ERICH5: variants seen among roughly 807,000 people sequenced by gnomAD.
ERICH5 encodes the protein glutamate rich 5, also known as glutamate-rich protein 5.
Under a neutral mutation model 28.0 loss-of-function variants are expected in ERICH5, and 24 were observed. That is an observed-to-expected ratio of 0.86 (90% confidence interval 0.62 to 1.21). The LOEUF (loss-of-function observed/expected upper bound fraction) is 1.21, where lower values mean the gene tolerates loss of function less well. ERICH5 is among the 50% of genes most tolerant of loss of function. The pLI is 0.00. For missense variants in ERICH5, 421 were observed against 441.2 expected (o/e 0.95, Z 0.41); for synonymous variants, 163 against 157.6 (o/e 1.03, Z -0.25).
chr8:98,091,078 C>T (rs553555427), intron 2 of ERICH5, among the ~76,000 whole-genome samples: 4 of 152,164 alleles, frequency 2.6e-5, no homozygotes, highest in South Asian at 2.1e-4. Context: ...GCTGGGACTA[C>T]AGGCGCACAC....
chr8:98,091,896 CTTT>C (rs1815402435), intron 2 of ERICH5, among the ~76,000 whole-genome samples: 1 of 50,790 alleles, frequency 2.0e-5, no homozygotes, highest in Admixed American at 2.3e-4. Flanking sequence ...TTCTTTCTTT[CTTT>C]CCTTTCTTTC....
chr8:98,077,083 C>A (rs575320782), intron 1 of ERICH5, among the ~76,000 whole-genome samples: 1 of 146,964 alleles, frequency 6.8e-6, no homozygotes, highest in African/African-American at 2.5e-5. Context: ...GGCAACATAG[C>A]GAGGCCCTGT....
chr8:98,091,993 C>CCCTCCCTTCCTTCCTTCCTTCCTTCCTT (rs1815416999), intron 2 of ERICH5, among the ~76,000 whole-genome samples: 1 of 55,080 alleles, frequency 1.8e-5, no homozygotes, highest in African/African-American at 7.0e-5. Context: ...TCTCTCTCTC[C>CCCTCCCTTCCTTCCTTCCTTCCTTCCTT]CCTTCCTTCC....
Position 98,079,760 on chromosome 8 carries a change from G to A in ERICH5, c.59-9316G>A, listed in dbSNP as rs560645612. Among the ~76,000 whole-genome samples, 128 of 152,206 alleles carry A rather than the reference G, an allele frequency of 8.4e-4. 1 individual carries two copies. Among genetic ancestry groups the A allele is most frequent in the African/African-American group, 2.7e-3 (114 of 41,546 alleles). ...TCACCATGTTGGCCAGTCTGGTCTC[G>A]AACTCCTGACCTCGGGTGATCCACC... On this transcript the variant is annotated intron_variant, in intron 1 of 2. Transcript: ENST00000318528.
At chr8:98,080,632 C>G (rs982483368) in intron 1 of ERICH5, among the ~76,000 whole-genome samples, 6 of 151,302 alleles carry the variant, frequency 4.0e-5, no homozygotes, top group African/African-American at 1.5e-4. Context: ...TCTCCTTCAC[C>G]TTCTTCTCCT....
chr8:98,064,763 G>A lies in ERICH5; in HGVS notation c.58+36G>A, dbSNP rs1238028977. 2.6e-6 allele frequency: 4 copies of A among 1,516,190 alleles called. No homozygotes were observed. In the East Asian group the frequency reaches 7.4e-5, roughly 28 times the overall value. The allele number at this position is 1,516,190 out of a possible 1,614,324, so 93.9% of individuals were successfully genotyped here. On this transcript the variant is annotated intron_variant, in intron 1 of 2. Coordinates refer to ENST00000318528, the MANE Select transcript of ERICH5 (RefSeq NM_173549.3). ...TACCGGCGCCGCCCGCGCCCGGGCT[G>A]GGGACTCGGGTGGGCTAACTCCCCA...
intron 2 of ERICH5, among the ~76,000 whole-genome samples, chr8:98,090,587 A>T (rs1815366522): frequency 1.3e-5 from 2 of 150,410 alleles, no homozygotes; most frequent in African/African-American, 4.9e-5. Context: ...ACATAGTGAG[A>T]CCTTGTTCTC....
At chr8:98,076,795 G>A (rs1815062590) in intron 1 of ERICH5, among the ~76,000 whole-genome samples, 1 of 149,858 alleles carries the variant, frequency 6.7e-6, no homozygotes, top group African/African-American at 2.4e-5. Flanking sequence ...AAGATTCTGG[G>A]GTGGAGCCCA....
intron 1 of ERICH5, among the ~76,000 whole-genome samples, chr8:98,065,099 C>A (rs967486891): frequency 6.6e-6 from 1 of 152,158 alleles, no homozygotes; most frequent in Admixed American, 6.5e-5. Flanking sequence ...GGCCTTCTAC[C>A]AAGGCTGGGG....
At chr8:98,081,036 T>C (rs768739236) in intron 1 of ERICH5, among the ~76,000 whole-genome samples, 1 of 151,952 alleles carries the variant, frequency 6.6e-6, no homozygotes, top group Non-Finnish European at 1.5e-5. Context: ...TGTACCAATA[T>C]TGGAATGAAT....
At chr8:98,077,365 T>G (rs568764708) in intron 1 of ERICH5, among the ~76,000 whole-genome samples, 1 of 152,338 alleles carries the variant, frequency 6.6e-6, no homozygotes, top group African/African-American at 2.4e-5. Flanking sequence ...TGGCTTTGAT[T>G]TTATAAACTG....
chr8:98,071,610 T>C (rs564613260), intron 1 of ERICH5, among the ~76,000 whole-genome samples: 23 of 152,288 alleles, frequency 1.5e-4, no homozygotes, highest in African/African-American at 5.5e-4. Context: ...CCTAAGGTGC[T>C]GGGATTACAG....
intron 1 of ERICH5, among the ~76,000 whole-genome samples, chr8:98,073,522 A>T (rs1436488115): frequency 9.6e-5 from 1 of 10,374 alleles, no homozygotes; most frequent in African/African-American, 3.3e-4. Flanking sequence ...ATATGTATAT[A>T]TATATATATA....
At chr8:98,078,787 A>G (rs936620800) in intron 1 of ERICH5, among the ~76,000 whole-genome samples, 4 of 152,246 alleles carry the variant, frequency 2.6e-5, no homozygotes, top group Admixed American at 2.6e-4. Context: ...AGAGCAGTGT[A>G]TGATTTGATG....
Position 98,064,578 on chromosome 8 carries a change from A to G in ERICH5, c.-92A>G. The stretch of plus-strand genomic sequence containing the variant: ...AGGGAGCCGGGCTGCAGAGCTGGAG[A>G]AACTTCCGCGGCTACGGGTGCAGTT... On this transcript the variant is annotated 5_prime_UTR_variant, in exon 1 of 3. Coordinates refer to ENST00000318528, the MANE Select transcript of ERICH5 (RefSeq NM_173549.3). 1.7e-6 allele frequency: 2 copies of G among 1,164,332 alleles called. No individual in the cohort carries two copies. The highest frequency in any genetic ancestry group is 2.5e-5 in the Admixed American group (1 of 39,878). The allele number at this position is 1,164,332 out of a possible 1,614,324, so 72.1% of individuals were successfully genotyped here.
Position 98,089,082 on chromosome 8 carries a change from C to A in ERICH5, c.65C>A (p.Ser22Ter). ...TTCAAATGAATAACCAAAGTAACTT[C>A]AAATGAGCATTTTTCAACTGCAGAA... ...GDSSRFPSVT[S>*]NEHFSTAEES... is the part of the protein sequence containing the mutation. The change falls in exon 2 of 3, where the codon TCA becomes TAA. Residue 22 changes from serine to a stop codon, truncating the protein, a stop_gained. Transcript: ENST00000318528. LOFTEE classifies it high-confidence loss of function. 2 of 1,598,200 alleles carry A rather than the reference C, an allele frequency of 1.3e-6. No homozygotes were observed. The highest frequency in any genetic ancestry group is 1.3e-5 in the African/African-American group (1 of 74,140).
rs1815347382 is a variant in ERICH5 at position 98,089,726 on chromosome 8, G to C, written c.709G>C (p.Val237Leu). 1.2e-6 allele frequency: 2 copies of C among 1,614,158 alleles called. No homozygotes were observed. Among genetic ancestry groups the C allele is most frequent in the Non-Finnish European group, 1.7e-6 (2 of 1,180,020 alleles). The change falls in exon 2 of 3, where the codon GTG (valine) becomes CTG (leucine). Residue 237 changes from valine (V) to leucine (L), a missense_variant. Transcript: ENST00000318528. ...AGAAATATTGGAAGGAAGTCAGTTT[G>C]TGGAAACAGCTGAAGAGCAGCAACT... is the stretch of plus-strand genomic sequence containing the variant. Reference protein sequence around the residue: ...SPEILEGSQFVETAEEQQLQA... With the variant: ...SPEILEGSQFLETAEEQQLQA...
chr8:98,073,640 T>G (rs1188754604), intron 1 of ERICH5, among the ~76,000 whole-genome samples: 2 of 146,888 alleles, frequency 1.4e-5, no homozygotes, highest in African/African-American at 2.5e-5. Flanking sequence ...TCTCCCGGGT[T>G]CAAGTGATTC....
chr8:98,073,461 T>A (rs867669436), intron 1 of ERICH5, among the ~76,000 whole-genome samples: 5 of 1,154 alleles, frequency 4.3e-3, no homozygotes, highest in African/African-American at 0.018. Context: ...TATATATATG[T>A]ATATATATAT....
Sources: allele counts gnomAD v4.1 joint callset (sites outside exome capture counted in the v4.1 genomes callset), GRCh38; gene constraint gnomAD v4.1.1; transcripts MANE v1.5; gene names NCBI Gene and HGNC (gene_info 2026-07-23, HGNC 2026-07-21).